The following SLC7A2 variants were observed in gnomAD, a reference collection of about 807,000 sequenced individuals.
SLC7A2 encodes the protein cationic amino acid transporter 2.
A neutral mutation model predicts 58.9 loss-of-function variants in SLC7A2; 48 were observed. The ratio of observed to expected loss-of-function variants is 0.82; its 90% CI spans 0.65 to 1.04. The LOEUF (loss-of-function observed/expected upper bound fraction) is 1.04. SLC7A2 is among the 50% of genes least tolerant of loss of function. The pLI is 0.00. For missense variants in SLC7A2, 1,029 were observed against 818.8 expected (o/e 1.26, Z -3.13); for synonymous variants, 363 against 314.5 (o/e 1.15, Z -1.63).
intron 2 of SLC7A2, among the ~76,000 whole-genome samples, chr8:17,530,455 A>C (rs1801402655): frequency 6.6e-6 from 1 of 152,210 alleles, no homozygotes; most frequent in Non-Finnish European, 1.5e-5. Flanking sequence ...GAGAATAGCA[A>C]CATGCAGGGC....
upstream of SLC7A2, among the ~76,000 whole-genome samples, chr8:17,495,064 A>G (rs1799922845): frequency 6.6e-6 from 1 of 152,244 alleles, no homozygotes; most frequent in Admixed American, 6.5e-5. Flanking sequence ...AGATTTAAAC[A>G]CAGAGCCTTT....
At chr8:17,503,243 G>C (rs1444432297) in intron 2 of SLC7A2, among the ~76,000 whole-genome samples, 2 of 152,000 alleles carry the variant, frequency 1.3e-5, no homozygotes, top group African/African-American at 4.8e-5. Context: ...GTAGAGACGG[G>C]GTTTCACCGC....
In SLC7A2 at chr8:17,543,627, G is replaced by A. The variant is rs759651417; in HGVS notation, c.288G>A (p.Thr96=). 32 of 1,591,940 alleles carry A rather than the reference G, an allele frequency of 2.0e-5. No homozygotes were observed. The highest frequency in any genetic ancestry group is 3.4e-4 in the Middle Eastern group (2 of 5,928). ...YAEFGARVPK[T]GSAYLYTYVT... is the part of the protein sequence containing the mutation. ...AATTTGGGGCCCGTGTTCCCAAGAC[G>A]GGGTCTGCATATTTGTACACCTACG... Residue 96 remains threonine, a synonymous_variant, in exon 3 of 13, where the codon ACG becomes ACA. Transcript: ENST00000494857.
At position 17,570,160 on chromosome 8, in the gene SLC7A2, C is replaced by G. The variant is rs1803444170; in HGVS notation, c.*5014C>G. 1 of 152,200 alleles carries G rather than the reference C, an allele frequency of 6.6e-6. No individual in the cohort carries two copies. Among genetic ancestry groups the G allele is most frequent in the East Asian group, 1.9e-4 (1 of 5,194 alleles). 9.4% of individuals were successfully genotyped at this position (152,200 alleles called of 1,614,324 possible). A position where few individuals can be genotyped will look rare whatever the true frequency, so the allele number is the denominator to read the frequency against. On this transcript the variant is annotated 3_prime_UTR_variant, in exon 13 of 13. Transcript: ENST00000494857. Reference sequence around the variant, plus strand: ...AGCCTTGCTGTGCCACGTGTCTCACCAAGACCCAGTTGGGAAAGAGCGTCA... The same window carrying G: ...AGCCTTGCTGTGCCACGTGTCTCACGAAGACCCAGTTGGGAAAGAGCGTCA...
At chr8:17,522,622 C>T (rs1317776988) in intron 2 of SLC7A2, among the ~76,000 whole-genome samples, 1 of 152,150 alleles carries the variant, frequency 6.6e-6, no homozygotes, top group Non-Finnish European at 1.5e-5. Context: ...TGGGCATCTA[C>T]AAGAGCACCT....
chr8:17,514,985 A>G (rs1441563468), intron 2 of SLC7A2, among the ~76,000 whole-genome samples: 1 of 152,224 alleles, frequency 6.6e-6, no homozygotes, highest in Admixed American at 6.5e-5. Flanking sequence ...TAATGAGTAC[A>G]TACATGGGTA....
chr8:17,495,512 C>G (rs1011442832), upstream of SLC7A2, among the ~76,000 whole-genome samples: 13 of 152,148 alleles, frequency 8.5e-5, no homozygotes, highest in Admixed American at 8.5e-4. Context: ...ATAATATCTT[C>G]GTAATCATAG....
At position 17,526,762 on chromosome 8, in the gene SLC7A2, C is replaced by G. The variant is rs141537703; in HGVS notation, c.-22-16556C>G. On this transcript the variant is annotated intron_variant, in intron 2 of 12. Transcript: ENST00000494857. ...TGGTATCTAGTTGGAAGAGAAGTAG[C>G]TGATCTCCAGAAAGCATCATGAGTT... 4.6e-5 allele frequency among the ~76,000 whole-genome samples: 7 copies of G among 152,286 alleles called. No individual in the cohort carries two copies. In the East Asian group the frequency reaches 1.4e-3, roughly 29 times the overall value.
intron 8 of SLC7A2, among the ~76,000 whole-genome samples, chr8:17,557,108 A>C (rs940599939): frequency 6.6e-5 from 10 of 152,188 alleles, no homozygotes; most frequent in African/African-American, 2.4e-4. Context: ...AAATTGTCAA[A>C]TCCAGCCATT....
intron 2 of SLC7A2, among the ~76,000 whole-genome samples, chr8:17,509,639 GA>G (rs2150663526): frequency 1.3e-5 from 2 of 152,202 alleles, no homozygotes; most frequent in African/African-American, 4.8e-5. Flanking sequence ...AATAAAAAGA[GA>G]AACAAGAGTG....
chr8:17,552,036 A>T, intron 7 of SLC7A2, 50 bp downstream of exon 7: 2 of 1,469,350 alleles, frequency 1.4e-6, no homozygotes, highest in Non-Finnish European at 1.9e-6. Context: ...TCTACAAAGT[A>T]GTCAGTGTCT....
chr8:17,507,673 T>A (rs1481455751), intron 2 of SLC7A2, among the ~76,000 whole-genome samples: 10 of 152,176 alleles, frequency 6.6e-5, no homozygotes, highest in Non-Finnish European at 1.2e-4. Flanking sequence ...AATTATTACA[T>A]GTCAGTGAAA....
In SLC7A2 at chr8:17,563,807, T is replaced by C. The variant is rs564071811; in HGVS notation, c.1780+96T>C. On this transcript the variant is annotated intron_variant, in intron 12 of 12. Transcript: ENST00000494857. ...CATCCTGGGAATAAAGGCTTTTTTT[T>C]CCCGCTTCTTTCTTTCCTAATTCTT... is the stretch of plus-strand genomic sequence containing the variant. 130 of 741,588 alleles carry C rather than the reference T, an allele frequency of 1.8e-4. No individual in the cohort carries two copies. In the East Asian group the frequency reaches 3.0e-3, roughly 17 times the overall value. 45.9% of individuals were successfully genotyped at this position (741,588 alleles called of 1,614,324 possible).
intron 2 of SLC7A2, among the ~76,000 whole-genome samples, chr8:17,534,615 C>G (rs17124775): frequency 6.7e-6 from 1 of 149,064 alleles, no homozygotes; most frequent in African/African-American, 2.5e-5. Context: ...GAAATTTTAG[C>G]TGTATTCTTG....
intron 2 of SLC7A2, among the ~76,000 whole-genome samples, chr8:17,530,826 C>T (rs557741450): frequency 2.6e-5 from 4 of 152,054 alleles, no homozygotes; most frequent in South Asian, 2.1e-4. Context: ...CCTGCCTTGG[C>T]CCCCCAAAGT....
At chr8:17,514,366 G>C (rs1237646307) in intron 2 of SLC7A2, among the ~76,000 whole-genome samples, 1 of 152,136 alleles carries the variant, frequency 6.6e-6, no homozygotes, top group African/African-American at 2.4e-5. Flanking sequence ...ATTGTGGGAA[G>C]AATAGAAGTA....
At chr8:17,520,631 ACT>A (rs1800976203) in intron 2 of SLC7A2, 1 of 169,058 alleles carries the variant, frequency 5.9e-6, no homozygotes, top group African/African-American at 3.3e-5. Context: ...ACAGAGTGAG[ACT>A]CTGTCTTTAA....
At chr8:17,527,526 A>C (rs1040352629) in intron 2 of SLC7A2, among the ~76,000 whole-genome samples, 15 of 152,220 alleles carry the variant, frequency 9.9e-5, no homozygotes, top group African/African-American at 3.6e-4. Flanking sequence ...TTTGTCTTAC[A>C]GTTCTGGAAA....
At chr8:17,531,436 A>T (rs1457716289) in intron 2 of SLC7A2, among the ~76,000 whole-genome samples, 1 of 152,146 alleles carries the variant, frequency 6.6e-6, no homozygotes, top group Non-Finnish European at 1.5e-5. Flanking sequence ...GTAGTATGAT[A>T]TATGTGTATA....
Sources: allele counts gnomAD v4.1 joint callset (sites outside exome capture counted in the v4.1 genomes callset), GRCh38; gene constraint gnomAD v4.1.1; transcripts MANE v1.5; gene names NCBI Gene and HGNC (gene_info 2026-07-23, HGNC 2026-07-21).